The following KIAA1549L variants were observed in gnomAD, a reference collection of about 807,000 sequenced individuals.
The protein encoded by KIAA1549L is UPF0606 protein KIAA1549L.
Under a neutral mutation model 160.7 loss-of-function variants are expected in KIAA1549L, and 88 were observed. That is an observed-to-expected ratio of 0.55 (90% CI 0.46 to 0.65). KIAA1549L has a LOEUF of 0.65. Among genes scored for constraint, KIAA1549L ranks in the 30% least tolerant of loss-of-function variants. KIAA1549L has a pLI of 0.00. For synonymous variants in KIAA1549L, 950 were observed against 976.7 expected (o/e 0.97, Z 0.51); for missense variants, 2,258 against 2,437.5 (o/e 0.93, Z 1.55).
intron 1 of KIAA1549L, among the ~76,000 whole-genome samples, chr11:33,494,734 A>G (rs1345565047): frequency 6.6e-6 from 1 of 152,158 alleles, no homozygotes; most frequent in Non-Finnish European, 1.5e-5. Flanking sequence ...TGTGTTGCAA[A>G]TCCGGAAAAG....
At position 33,477,505 on chromosome 11, in the gene KIAA1549L, A is replaced by ACGCACG. The variant is rs1554981513; in HGVS notation, c.239-64292_239-64291insGCGCAC. Among the ~76,000 whole-genome samples, 59 of 143,212 alleles carry ACGCACG rather than the reference A, an allele frequency of 4.1e-4. 2 individuals are homozygous for ACGCACG. Among genetic ancestry groups the ACGCACG allele is most frequent in the Admixed American group, 2.3e-3 (34 of 14,714 alleles). The allele number at this position is 143,212 out of a possible 152,430, so 94.0% of individuals were successfully genotyped here. Reference sequence around the variant, plus strand: ...CTGTGGTGGAGTGCCACGCAGGTGCACGCACACACACACAAACACACACAC... The same window carrying ACGCACG: ...CTGTGGTGGAGTGCCACGCAGGTGCACGCACGCGCACACACACACAAACACACACAC... On this transcript the variant is annotated intron_variant, in intron 1 of 20. Transcript: ENST00000658780.
chr11:33,461,874 T>G (rs573782114), intron 1 of KIAA1549L, among the ~76,000 whole-genome samples: 1 of 152,268 alleles, frequency 6.6e-6, no homozygotes, highest in African/African-American at 2.4e-5. Context: ...TAGAGCTGGT[T>G]TTAGGGCTTA....
chr11:33,435,794 A>ATATGTGTGTG (rs1851351489), intron 1 of KIAA1549L, among the ~76,000 whole-genome samples: 1 of 32,358 alleles, frequency 3.1e-5, no homozygotes, highest in African/African-American at 2.2e-4. Context: ...ATATATATAT[A>ATATGTGTGTG]TATATATATA....
At chr11:33,416,135 C>T (rs949709829) in intron 1 of KIAA1549L, among the ~76,000 whole-genome samples, 2 of 152,082 alleles carry the variant, frequency 1.3e-5, no homozygotes, top group Non-Finnish European at 2.9e-5. Flanking sequence ...GGCAGGTGAC[C>T]ACCCCTGAGT....
At chr11:33,556,552 A>ATACAACAATTCT in intron 6 of KIAA1549L, among the ~76,000 whole-genome samples, 1 of 152,258 alleles carries the variant, frequency 6.6e-6, no homozygotes, top group South Asian at 2.1e-4. Flanking sequence ...ATGCTACAAC[A>ATACAACAATTCT]GGGATGAACC....
At chr11:33,632,628 G>T (rs1211780575) in intron 16 of KIAA1549L, among the ~76,000 whole-genome samples, 2 of 152,110 alleles carry the variant, frequency 1.3e-5, no homozygotes, top group African/African-American at 2.4e-5. Flanking sequence ...GCCCAGGCTG[G>T]AGTACAGTGA....
chr11:33,652,629 G>A (rs1851930571), intron 17 of KIAA1549L, among the ~76,000 whole-genome samples: 1 of 152,244 alleles, frequency 6.6e-6, no homozygotes, highest in Non-Finnish European at 1.5e-5. Context: ...AAAATAGGTT[G>A]TCTGTCTCCT....
At chr11:33,445,446 G>A (rs1851591136) in intron 1 of KIAA1549L, among the ~76,000 whole-genome samples, 2 of 152,214 alleles carry the variant, frequency 1.3e-5, no homozygotes, top group South Asian at 4.1e-4. Context: ...GAAATAATTT[G>A]TGTCGGTTAT....
intron 1 of KIAA1549L, among the ~76,000 whole-genome samples, chr11:33,389,974 C>T (rs544468398): frequency 4.6e-5 from 7 of 152,250 alleles, no homozygotes; most frequent in Non-Finnish European, 7.4e-5. Context: ...GTGACATATT[C>T]GTAATAGGAA....
chr11:33,475,353 C>T (rs1852262512), intron 1 of KIAA1549L, among the ~76,000 whole-genome samples: 5 of 152,098 alleles, frequency 3.3e-5, no homozygotes, highest in Admixed American at 3.3e-4. Context: ...TTTAATGGCT[C>T]TTAAACAAAA....
intron 1 of KIAA1549L, among the ~76,000 whole-genome samples, chr11:33,516,759 A>G (rs1174160135): frequency 6.6e-6 from 1 of 152,202 alleles, no homozygotes; most frequent in East Asian, 1.9e-4. Flanking sequence ...TGGCTGAAGA[A>G]TTGGCAACTT....
At chr11:33,386,888 CT>C (rs1850184126) in intron 1 of KIAA1549L, among the ~76,000 whole-genome samples, 1 of 152,150 alleles carries the variant, frequency 6.6e-6, no homozygotes, top group Non-Finnish European at 1.5e-5. Context: ...GGGTGGATCA[CT>C]TGAGGTCAGG....
At chr11:33,413,132 A>G (rs916297573) in intron 1 of KIAA1549L, among the ~76,000 whole-genome samples, 8 of 152,184 alleles carry the variant, frequency 5.3e-5, no homozygotes, top group African/African-American at 1.9e-4. Flanking sequence ...GAAATGCTGC[A>G]TCAGATACCT....
rs1163655942 is a variant in KIAA1549L, at chr11:33,376,688, G to C, written c.37G>C (p.Glu13Gln). ...GGAGGCCAAGCCTCAGGGCTCAAGG[G>C]AAGCTGGGCCCGCGACGCGGGGGCG... is the stretch of plus-strand genomic sequence containing the variant. ...PQEAKPQGSR[E>Q]AGPATRGRGG... is the part of the protein sequence containing the mutation. Residue 13 changes from glutamate (E) to glutamine (Q), a missense_variant, in exon 1 of 21, where the codon GAA becomes CAA. Transcript: ENST00000658780. This position sits in a 1 kb window ranked among gnomAD's most constrained non-coding sequence, Gnocchi z 5.8. 6.6e-6 allele frequency: 1 copy of C among 150,824 alleles called. No individual in the cohort carries two copies. Among genetic ancestry groups the C allele is most frequent in the Non-Finnish European group, 1.5e-5 (1 of 67,722 alleles). 9.3% of individuals were successfully genotyped at this position (150,824 alleles called of 1,614,324 possible). A position where few individuals can be genotyped will look rare whatever the true frequency, so the allele number is the denominator to read the frequency against.
At chr11:33,493,357 A>T (rs1256236872) in intron 1 of KIAA1549L, among the ~76,000 whole-genome samples, 3 of 152,200 alleles carry the variant, frequency 2.0e-5, no homozygotes, top group Non-Finnish European at 4.4e-5. Context: ...CCCTCACCAG[A>T]TGCTGGCACC....
Position 33,435,794 on chromosome 11 carries a change from A to ATGTGTGTGTGTG in KIAA1549L, c.238+58906_238+58907insGTGTGTGTGTGT, listed in dbSNP as rs1447364209. Reference sequence around the variant, plus strand: ...TATATATATATATATATATATATATATATATATATATATATATGTGTGTGT... The same window carrying ATGTGTGTGTGTG: ...TATATATATATATATATATATATATATGTGTGTGTGTGTATATATATATATATATGTGTGTGT... On this transcript the variant is annotated intron_variant, in intron 1 of 20. Transcript: ENST00000658780. Among the ~76,000 whole-genome samples the ATGTGTGTGTGTG allele has an allele frequency of 6.2e-5, 2 of 32,358 alleles. 1 individual carries two copies. The highest frequency in any genetic ancestry group is 2.0e-3 in the South Asian group (2 of 1,022). 21.2% of individuals were successfully genotyped at this position (32,358 alleles called of 152,430 possible).
intron 1 of KIAA1549L, among the ~76,000 whole-genome samples, chr11:33,412,882 A>G (rs1205405768): frequency 6.6e-6 from 1 of 152,216 alleles, no homozygotes; most frequent in Non-Finnish European, 1.5e-5. Context: ...AGATATAGAG[A>G]GGTTAAATAA....
At chr11:33,564,020 AC>A (rs1277152976) in intron 8 of KIAA1549L, among the ~76,000 whole-genome samples, 1 of 151,972 alleles carries the variant, frequency 6.6e-6, no homozygotes, top group Non-Finnish European at 1.5e-5. Flanking sequence ...TTAGCCTTCT[AC>A]CCACTCACTT....
At chr11:33,501,703 G>T (rs1479448784) in intron 1 of KIAA1549L, among the ~76,000 whole-genome samples, 1 of 151,244 alleles carries the variant, frequency 6.6e-6, no homozygotes, top group Non-Finnish European at 1.5e-5. Context: ...TAGTGTAGAT[G>T]GTTAATAATA....
Sources: allele counts gnomAD v4.1 joint callset (sites outside exome capture counted in the v4.1 genomes callset), GRCh38; gene constraint gnomAD v4.1.1; non-coding constraint Gnocchi (gnomAD v3.1); transcripts MANE v1.5; gene names NCBI Gene and HGNC (gene_info 2026-07-23, HGNC 2026-07-21).